DNM3: variants seen among roughly 807,000 people sequenced by gnomAD.
DNM3 encodes the protein dynamin 3.
DNM3 carries 47 observed loss-of-function variants against 101.6 expected under a neutral mutation model. The observed-to-expected ratio is 0.46, with a 90% CI of 0.37 to 0.59. The LOEUF is 0.59. Among genes scored for constraint, DNM3 ranks in the 20% least tolerant of loss-of-function variants. The pLI, the probability that DNM3 is intolerant of heterozygous loss-of-function variation, is 0.00. For missense variants in DNM3, 849 were observed against 1,085.7 expected, an observed-to-expected ratio of 0.78 and a Z score of 3.06; for synonymous variants, 385 against 387.9, an observed-to-expected ratio of 0.99 and a Z score of 0.09.
intron 15 of DNM3, among the ~76,000 whole-genome samples, chr1:172,303,563 A>G (rs1171027301): frequency 3.3e-5 from 5 of 152,306 alleles, no homozygotes; most frequent in African/African-American, 4.8e-5. Flanking sequence ...GAGCAACCCC[A>G]AGACACATAA....
intron 2 of DNM3, among the ~76,000 whole-genome samples, chr1:171,925,210 C>G (rs969560990): frequency 6.6e-6 from 1 of 151,444 alleles, no homozygotes; most frequent in African/African-American, 2.4e-5. Context: ...CCTTTGCCCA[C>G]TTTTTTTAAA....
intron 4 of DNM3, among the ~76,000 whole-genome samples, chr1:172,022,122 GT>G (rs1245953655): frequency 2.6e-5 from 4 of 152,226 alleles, no homozygotes; most frequent in Middle Eastern, 3.4e-3. Flanking sequence ...TTGAATGCCA[GT>G]TTCATGCCAC....
chr1:172,274,677 C>T (rs186603954), intron 15 of DNM3, among the ~76,000 whole-genome samples: 71 of 150,840 alleles, frequency 4.7e-4, no homozygotes, highest in African/African-American at 1.6e-3. Context: ...AATTTAAAAC[C>T]GAGAATTTCC....
chr1:172,317,271 C>A (rs1349242456), intron 16 of DNM3, among the ~76,000 whole-genome samples: 4 of 150,962 alleles, frequency 2.6e-5, no homozygotes, highest in African/African-American at 9.8e-5. Context: ...CACTAAATGC[C>A]CATAAGAGAA....
At chr1:171,981,840 A>G (rs188391753) in intron 2 of DNM3, among the ~76,000 whole-genome samples, 1 of 152,358 alleles carries the variant, frequency 6.6e-6, no homozygotes, top group African/African-American at 2.4e-5. Flanking sequence ...ATAAATTTCA[A>G]TAAGACAGGT....
chr1:172,342,828 T>C (rs973381202), intron 17 of DNM3, among the ~76,000 whole-genome samples: 2 of 152,366 alleles, frequency 1.3e-5, no homozygotes, highest in Admixed American at 1.3e-4. Context: ...TGTAAAGCTA[T>C]TGTTTCTGAT....
intron 17 of DNM3, among the ~76,000 whole-genome samples, chr1:172,349,148 T>C (rs1292530788): frequency 6.6e-6 from 1 of 152,156 alleles, no homozygotes; most frequent in African/African-American, 2.4e-5. Context: ...GCTCTACAGA[T>C]TCCTACACCA....
chr1:172,281,117 A>G (rs1290194523), intron 15 of DNM3, among the ~76,000 whole-genome samples: 2 of 151,910 alleles, frequency 1.3e-5, no homozygotes, highest in Non-Finnish European at 2.9e-5. Context: ...AGAGAGTGTG[A>G]TAGCAGAATT....
intron 10 of DNM3, among the ~76,000 whole-genome samples, chr1:172,056,841 G>A (rs1342962931): frequency 5.3e-5 from 8 of 152,166 alleles, no homozygotes; most frequent in African/African-American, 1.7e-4. Context: ...AAAGCTGGAC[G>A]GAGAACGACT....
chr1:171,856,546 C>A (rs2033631345), intron 1 of DNM3, among the ~76,000 whole-genome samples: 1 of 152,096 alleles, frequency 6.6e-6, no homozygotes, highest in Non-Finnish European at 1.5e-5. Context: ...TCTCTGATTT[C>A]TTTGAGCAGT....
chr1:172,083,874 T>C (rs1051055539), intron 12 of DNM3, among the ~76,000 whole-genome samples: 6 of 152,322 alleles, frequency 3.9e-5, no homozygotes, highest in Admixed American at 6.5e-5. Flanking sequence ...TGACGTAGTC[T>C]CTCTGTGTCT....
intron 1 of DNM3, among the ~76,000 whole-genome samples, chr1:171,915,420 G>T (rs925175978): frequency 2.6e-5 from 4 of 152,136 alleles, no homozygotes; most frequent in African/African-American, 9.7e-5. Context: ...AAGCTGGAGT[G>T]GTGATCCAAA....
At chr1:172,261,353 G>A (rs1212806860) in intron 15 of DNM3, among the ~76,000 whole-genome samples, 1 of 152,236 alleles carries the variant, frequency 6.6e-6, no homozygotes, top group Non-Finnish European at 1.5e-5. Flanking sequence ...ATGCGTAGTG[G>A]TGTAGTCTCT....
intron 20 of DNM3, among the ~76,000 whole-genome samples, chr1:172,398,884 A>G (rs544937381): frequency 9.8e-5 from 15 of 152,344 alleles, no homozygotes; most frequent in Middle Eastern, 3.4e-3. Context: ...GTGTACCATT[A>G]AGGTGTAAAA....
intron 10 of DNM3, among the ~76,000 whole-genome samples, chr1:172,062,115 T>A (rs1439500180): frequency 6.6e-6 from 1 of 152,240 alleles, no homozygotes; most frequent in Non-Finnish European, 1.5e-5. Context: ...GCAATCTTTA[T>A]AATTGGTTCT....
At chr1:172,267,822 C>G (rs1355586925) in intron 15 of DNM3, among the ~76,000 whole-genome samples, 1 of 152,102 alleles carries the variant, frequency 6.6e-6, no homozygotes, top group Non-Finnish European at 1.5e-5. Flanking sequence ...ACACCATTCT[C>G]CTGCCTCAGC....
rs771347699 is a variant in DNM3 at position 171,938,383 on chromosome 1, G to A, written c.235+16562G>A. Among the ~76,000 whole-genome samples, 11 of 152,280 alleles carry A rather than the reference G, an allele frequency of 7.2e-5. No homozygotes were observed. In the South Asian group the frequency reaches 1.2e-3, roughly 17 times the overall value. On this transcript the variant is annotated intron_variant, in intron 2 of 20. Transcript: ENST00000627582. Reference sequence around the variant, plus strand: ...ATATACACTTGTCCCTCGGAGCTTGGCATCTCCTCCTTGATTTCTGATAAG... The same window carrying A: ...ATATACACTTGTCCCTCGGAGCTTGACATCTCCTCCTTGATTTCTGATAAG...
rs2067689295 is a variant in DNM3, at chr1:172,360,563, C to G, written c.1894-18455C>G. On this transcript the variant is annotated intron_variant, in intron 17 of 20. Coordinates refer to ENST00000627582, the MANE Select transcript of DNM3 (RefSeq NM_015569.5). The stretch of plus-strand genomic sequence containing the variant: ...ATTCAAGCTCTCCCTTTCATTTGAG[C>G]AGTAGAGCCTCAGGCAAAATGCAGA... Among the ~76,000 whole-genome samples the G allele has an allele frequency of 2.0e-5, 3 of 151,968 alleles. No homozygotes were observed. In the South Asian group the frequency reaches 6.2e-4, roughly 31 times the overall value.
intron 10 of DNM3, among the ~76,000 whole-genome samples, chr1:172,068,290 T>C (rs1308779697): frequency 6.6e-6 from 1 of 152,102 alleles, no homozygotes; most frequent in South Asian, 2.1e-4. Flanking sequence ...ATTGCGCCAT[T>C]GCACTCCAGC....
Sources: gnomAD v4.1 joint callset for allele counts (sites outside exome capture counted in the v4.1 genomes callset) on GRCh38, gnomAD v4.1.1 for gene constraint, MANE v1.5 for transcripts, NCBI Gene and HGNC (gene_info 2026-07-23, HGNC 2026-07-21) for gene names.